TACR3: variants seen among roughly 807,000 people sequenced by gnomAD.
TACR3 encodes the protein tachykinin receptor 3.
In TACR3, 34 loss-of-function variants were observed where a neutral mutation model predicts 35.0. That is an observed-to-expected ratio of 0.97 (90% CI 0.74 to 1.30). TACR3 has a LOEUF of 1.30. Ranked by LOEUF, TACR3 falls within the 50% of genes most tolerant of loss-of-function variation. TACR3 has a pLI of 0.00. For synonymous variants in TACR3, 233 were observed against 221.1 expected (o/e 1.05, Z -0.48); for missense variants, 558 against 591.7 (o/e 0.94, Z 0.59).
intron 3 of TACR3, among the ~76,000 whole-genome samples, chr4:103,595,513 T>G (rs1335611209): frequency 9.2e-5 from 14 of 152,172 alleles, no homozygotes; most frequent in Admixed American, 9.2e-4. Context: ...ATACCATTCC[T>G]TCATGTATCA....
chr4:103,663,880 A>G (rs1725884248), intron 1 of TACR3, among the ~76,000 whole-genome samples: 1 of 152,244 alleles, frequency 6.6e-6, no homozygotes, highest in South Asian at 2.1e-4. Flanking sequence ...GATGTGAGAT[A>G]TAATTTCACC....
chr4:103,668,041 A>C (rs920026128), intron 1 of TACR3, among the ~76,000 whole-genome samples: 1 of 152,142 alleles, frequency 6.6e-6, no homozygotes, highest in African/African-American at 2.4e-5. Context: ...CATGTTGTCC[A>C]GGCTGGTCTT....
chr4:103,700,094 GGTAAATGATTTTAATC>G (rs1178773146), intron 1 of TACR3, among the ~76,000 whole-genome samples: 1 of 152,022 alleles, frequency 6.6e-6, no homozygotes. Flanking sequence ...GTCATGTGCT[GGTAAATGATTTTAATC>G]ACAGGTACTC....
At chr4:103,630,775 A>G (rs1381501651) in intron 3 of TACR3, among the ~76,000 whole-genome samples, 3 of 152,176 alleles carry the variant, frequency 2.0e-5, no homozygotes, top group African/African-American at 7.2e-5. Flanking sequence ...CAGTGTGGTG[A>G]TTCCTCAAGT....
At chr4:103,601,453 G>T (rs951710182) in intron 3 of TACR3, among the ~76,000 whole-genome samples, 1 of 152,042 alleles carries the variant, frequency 6.6e-6, no homozygotes, top group Non-Finnish European at 1.5e-5. Flanking sequence ...TATTTTGCTC[G>T]ATATTTGATG....
chr4:103,692,184 A>T (rs1722418882), intron 1 of TACR3, among the ~76,000 whole-genome samples: 1 of 152,176 alleles, frequency 6.6e-6, no homozygotes, highest in Admixed American at 6.5e-5. Context: ...CAAATTTGTG[A>T]TTTCTTATAT....
intron 1 of TACR3, among the ~76,000 whole-genome samples, chr4:103,693,498 C>T (rs1722449663): frequency 6.6e-6 from 1 of 152,028 alleles, no homozygotes; most frequent in African/African-American, 2.4e-5. Flanking sequence ...CATTGCATTA[C>T]CATAAAATAT....
intron 1 of TACR3, among the ~76,000 whole-genome samples, chr4:103,695,512 A>T (rs55914005): frequency 6.6e-6 from 1 of 152,064 alleles, no homozygotes; most frequent in Non-Finnish European, 1.5e-5. Flanking sequence ...TTACTTTATC[A>T]TAAGAATACA....
intron 3 of TACR3, among the ~76,000 whole-genome samples, chr4:103,626,735 TTTAAGG>T (rs1035072194): frequency 2.0e-5 from 3 of 152,126 alleles, no homozygotes; most frequent in Admixed American, 6.5e-5. Context: ...TTCAGTATAG[TTTAAGG>T]TTAAGGGAAT....
intron 1 of TACR3, among the ~76,000 whole-genome samples, chr4:103,687,437 G>C (rs1341052042): frequency 6.6e-6 from 1 of 152,120 alleles, no homozygotes; most frequent in African/African-American, 2.4e-5. Flanking sequence ...TATTCAGTTA[G>C]GAAAAGAGGA....
chr4:103,675,841 T>C (rs1235537348), intron 1 of TACR3, among the ~76,000 whole-genome samples: 1 of 151,826 alleles, frequency 6.6e-6, no homozygotes, highest in African/African-American at 2.4e-5. Context: ...CACACAGGTA[T>C]TTAGCCTGAG....
chr4:103,641,756 A>T (rs1175578714), intron 3 of TACR3, among the ~76,000 whole-genome samples: 1 of 151,992 alleles, frequency 6.6e-6, no homozygotes, highest in Non-Finnish European at 1.5e-5. Context: ...ATGGATAAAA[A>T]ACGTGGCATA....
intron 3 of TACR3, among the ~76,000 whole-genome samples, chr4:103,635,138 G>A (rs879475063): frequency 6.6e-6 from 1 of 151,844 alleles, no homozygotes; most frequent in Admixed American, 6.6e-5. Context: ...GAGTAATAGA[G>A]ACAAAACTAC....
intron 3 of TACR3, among the ~76,000 whole-genome samples, chr4:103,614,639 TTAAG>T (rs563176193): frequency 1.3e-5 from 2 of 152,110 alleles, no homozygotes; most frequent in Non-Finnish European, 2.9e-5. Context: ...TTCAGAAAGA[TTAAG>T]TAATTTGCCC....
At chr4:103,707,964 G>A (rs61638339) in intron 1 of TACR3, among the ~76,000 whole-genome samples, 6,167 of 152,250 alleles carry the variant, frequency 0.041, 408 homozygotes, top group African/African-American at 0.14. Flanking sequence ...AGGGGCACCC[G>A]CCATTGCTAA....
At chr4:103,694,391 A>G (rs1358826231) in intron 1 of TACR3, among the ~76,000 whole-genome samples, 1 of 144,312 alleles carries the variant, frequency 6.9e-6, no homozygotes, top group African/African-American at 2.9e-5. Context: ...CATTGTTGAG[A>G]CAATGCCAGC....
chr4:103,634,140 TAGTC>T (rs745721283), intron 3 of TACR3, among the ~76,000 whole-genome samples: 1 of 152,146 alleles, frequency 6.6e-6, no homozygotes, highest in African/African-American at 2.4e-5. Flanking sequence ...CATGAACTGT[TAGTC>T]ATTAATTCAC....
intron 3 of TACR3, among the ~76,000 whole-genome samples, chr4:103,607,854 C>T (rs899510220): frequency 5.3e-5 from 8 of 152,032 alleles, no homozygotes; most frequent in Admixed American, 2.6e-4. Context: ...ACTGCTATAA[C>T]GTGGTCAGAA....
chr4:103,690,900 A>T (rs1156889392), intron 1 of TACR3, among the ~76,000 whole-genome samples: 1 of 152,176 alleles, frequency 6.6e-6, no homozygotes, highest in Non-Finnish European at 1.5e-5. Context: ...TATAATGTCA[A>T]CTAAAAAATT....
Sources: gnomAD v4.1 joint callset for allele counts (sites outside exome capture counted in the v4.1 genomes callset) on GRCh38, gnomAD v4.1.1 for gene constraint, MANE v1.5 for transcripts, NCBI Gene and HGNC (gene_info 2026-07-23, HGNC 2026-07-21) for gene names.